MYOF: variants seen among roughly 807,000 people sequenced by gnomAD.
MYOF encodes myoferlin, also known as fer-1-like 3, myoferlin.
MYOF carries 244 observed loss-of-function variants against 284.2 expected under a neutral mutation model. That is an observed-to-expected ratio of 0.86 (90% CI 0.77 to 0.95). The LOEUF is 0.95. Among genes scored for constraint, MYOF ranks in the 40% least tolerant of loss-of-function variants. The pLI, the probability that MYOF is intolerant of heterozygous loss-of-function variation, is 0.00. For missense variants in MYOF, 2,496 were observed against 2,560.6 expected (o/e 0.97, Z 0.54); for synonymous variants, 904 against 919.7 (o/e 0.98, Z 0.31).
intron 50 of MYOF, 72 bp from the exon 51 acceptor site, chr10:93,313,282 C>A (rs577764433): frequency 1.4e-6 from 2 of 1,440,300 alleles, no homozygotes; most frequent in South Asian, 2.6e-5. Flanking sequence ...GTGAACAGAA[C>A]GTTCTTATCA....
At chr10:93,310,729 T>C (rs1260763631) in intron 51 of MYOF, 86 bp from the exon 52 acceptor site, 1 of 1,237,414 alleles carries the variant, frequency 8.1e-7, no homozygotes, top group African/African-American at 1.5e-5. Flanking sequence ...CCCCGAGCAA[T>C]GATTTTTATT....
intron 1 of MYOF, among the ~76,000 whole-genome samples, chr10:93,464,763 G>A (rs2056965080): frequency 6.6e-6 from 1 of 152,108 alleles, no homozygotes; most frequent in African/African-American, 2.4e-5. Context: ...AATGGCCTCA[G>A]GAAAAGTTAG....
chr10:93,369,540 G>A, intron 25 of MYOF, 105 bp downstream of exon 25: 5 of 1,493,104 alleles, frequency 3.3e-6, no homozygotes, highest in Non-Finnish European at 4.5e-6. Flanking sequence ...ATGGTAAGGA[G>A]GGCTGTGGTT....
intron 11 of MYOF, among the ~76,000 whole-genome samples, 199 bp downstream of exon 11, chr10:93,402,033 T>A (rs1021315973): frequency 3.3e-5 from 5 of 152,152 alleles, no homozygotes; most frequent in African/African-American, 1.2e-4. Context: ...TGCTCACTCA[T>A]AGACATCAGA....
chr10:93,472,922 A>T (rs871420), intron 1 of MYOF, among the ~76,000 whole-genome samples: 102,875 of 151,970 alleles, frequency 0.68, 35,813 homozygotes, highest in Non-Finnish European at 0.76. Flanking sequence ...CCTGTCATGC[A>T]ACATTCTGTG....
chr10:93,319,842 C>A, intron 49 of MYOF, 30 bp downstream of exon 49: 1 of 1,613,592 alleles, frequency 6.2e-7, no homozygotes, highest in Non-Finnish European at 8.5e-7. Flanking sequence ...CCATGATACC[C>A]ACTTCCCAGC....
chr10:93,340,807 A>G (rs989734624), intron 38 of MYOF, among the ~76,000 whole-genome samples: 1 of 152,060 alleles, frequency 6.6e-6, no homozygotes, highest in Admixed American at 6.5e-5. Flanking sequence ...CCCATCCAGG[A>G]GATGAGAGAA....
At chr10:93,476,354 C>T (rs1022501686) in intron 1 of MYOF, among the ~76,000 whole-genome samples, 6 of 145,694 alleles carry the variant, frequency 4.1e-5, no homozygotes, top group Admixed American at 1.4e-4. Flanking sequence ...CAGGTCCAAG[C>T]GATTCTCCTG....
rs370104467 is a variant in MYOF at position 93,353,871 on chromosome 10, G to A, written c.3421C>T (p.Leu1141=). 37 of 1,609,208 alleles carry A rather than the reference G, an allele frequency of 2.3e-5. No individual in the cohort carries two copies. In the African/African-American group the frequency reaches 4.3e-4, roughly 19 times the overall value. The part of the protein sequence containing the change: ...CNFDRVYIYH[L]RCYVYQARNL... The stretch of plus-strand genomic sequence containing the variant: ...CTGGCTTGATAGACATAGCAGCGCA[G>A]ATGGTAGATGTAGACTCCTAAAAAA... The change falls in exon 32 of 54, where the codon CTG becomes TTG. Residue 1141 remains leucine, a synonymous_variant. Coordinates refer to ENST00000359263, the MANE Select transcript of MYOF (RefSeq NM_013451.4).
chr10:93,408,940 A>G (rs1272649043), intron 6 of MYOF, 25 bp from the exon 7 acceptor site: 2 of 1,613,072 alleles, frequency 1.2e-6, no homozygotes, highest in Admixed American at 3.3e-5. Context: ...GGGGATGGTT[A>G]CCCAACCTTT....
At chr10:93,426,561 A>G (rs1848596882) in intron 4 of MYOF, among the ~76,000 whole-genome samples, 1 of 152,180 alleles carries the variant, frequency 6.6e-6, no homozygotes, top group Non-Finnish European at 1.5e-5. Flanking sequence ...TTCATTATGA[A>G]TTGCTGAGAT....
chr10:93,372,420 G>A (rs950852037), intron 24 of MYOF, among the ~76,000 whole-genome samples: 2 of 152,114 alleles, frequency 1.3e-5, no homozygotes, highest in African/African-American at 2.4e-5. Context: ...TGTGGCTCTC[G>A]TCAGGCACTT....
At chr10:93,315,006 A>AT (rs1842555192) in intron 50 of MYOF, among the ~76,000 whole-genome samples, 1 of 152,156 alleles carries the variant, frequency 6.6e-6, no homozygotes, top group Admixed American at 6.5e-5. Flanking sequence ...ATCCTAGATC[A>AT]TGCCACTGCA....
At chr10:93,378,194 T>A (rs787623) in intron 21 of MYOF, among the ~76,000 whole-genome samples, 47,768 of 151,922 alleles carry the variant, frequency 0.31, 8,680 homozygotes, top group Middle Eastern at 0.42. Flanking sequence ...AACAGAGAAG[T>A]TGAGGAAGAG....
intron 5 of MYOF, among the ~76,000 whole-genome samples, chr10:93,410,970 C>T (rs1589526596): frequency 6.6e-6 from 1 of 152,188 alleles, no homozygotes; most frequent in East Asian, 1.9e-4. Context: ...CTATGTGAGT[C>T]TGAGTAAGTT....
Position 93,323,085 on chromosome 10 carries a change from C to T in MYOF, c.5449G>A (p.Val1817Ile), listed in dbSNP as rs187814862. Residue 1817 changes from valine to isoleucine, a missense_variant, in exon 48 of 54, where the codon GTC becomes ATC. Coordinates refer to ENST00000359263, the MANE Select transcript of MYOF (RefSeq NM_013451.4). ...ITGEEMSDIY[V>I]KGWIPGNEEN... ...CTCACATGCTAACCTTACCCTTTGA[C>T]GTAGATGTCACTCATTTCCTCTCCT... is the stretch of plus-strand genomic sequence containing the variant. 115 of 1,613,482 alleles carry T rather than the reference C, an allele frequency of 7.1e-5. No homozygotes were observed. The highest frequency in any genetic ancestry group is 1.1e-4 in the East Asian group (5 of 44,894).
intron 3 of MYOF, among the ~76,000 whole-genome samples, chr10:93,438,865 C>A (rs2056156255): frequency 6.6e-6 from 1 of 152,178 alleles, no homozygotes; most frequent in Admixed American, 6.5e-5. Context: ...GGCCTAGTGA[C>A]CTGCGCTCCC....
At chr10:93,353,948 C>T (rs370693564) in intron 31 of MYOF, 60 bp from the exon 32 acceptor site, 33 of 1,354,284 alleles carry the variant, frequency 2.4e-5, no homozygotes, top group Middle Eastern at 1.9e-4. Flanking sequence ...TGCTATTTTA[C>T]TGGAATATTT....
rs1215649506 is a variant in MYOF at position 93,465,651 on chromosome 10, A to G, written c.89-8714T>C. Among the ~76,000 whole-genome samples, 5 of 146,840 alleles carry G rather than the reference A, an allele frequency of 3.4e-5. No homozygotes were observed. The Admixed American group carries it at 3.5e-4, about 10-fold the overall frequency. On this transcript the variant is annotated intron_variant, in intron 1 of 53. Transcript: ENST00000359263. ...TGCCTCAGCCTCCCAAGTAGTTGGG[A>G]CTGTAGGCATGTGCCACCATGCCCA...
Sources: gnomAD v4.1 joint callset for allele counts (sites outside exome capture counted in the v4.1 genomes callset) on GRCh38, gnomAD v4.1.1 for gene constraint, MANE v1.5 for transcripts, NCBI Gene and HGNC (gene_info 2026-07-23, HGNC 2026-07-21) for gene names.